Variants in LINC00305 observed in about 807,000 individuals in gnomAD.
The protein encoded by LINC00305 is long intergenic non-protein coding RNA 305.
intron 1 of LINC00305, among the ~76,000 whole-genome samples, chr18:64,105,548 T>A (rs1333659764): frequency 6.6e-6 from 1 of 152,196 alleles, no homozygotes; most frequent in Non-Finnish European, 1.5e-5. Flanking sequence ...CATTATATAT[T>A]ATTTCTGTGG....
In LINC00305 at chr18:64,110,546, T is replaced by A. The variant is rs563731515; in HGVS notation, n.315-11906A>T. On this transcript the variant is annotated intron_variant and non_coding_transcript_variant, in intron 1 of 3. Coordinates refer to ENST00000666468, the Ensembl canonical transcript of LINC00305. ...GACTTTGGGGGTATAAATGGGACAT[T>A]TTTTGAAGAAGAAATGCTTGAGATT... 1.5e-3 allele frequency among the ~76,000 whole-genome samples: 229 copies of A among 152,264 alleles called. 1 individual carries two copies. Among genetic ancestry groups the A allele is most frequent in the African/African-American group, 5.2e-3 (217 of 41,562 alleles).
exon 3 of LINC00305, chr18:64,097,860 A>T (rs2051251199): frequency 2.2e-6 from 1 of 457,978 alleles, no homozygotes; most frequent in African/African-American, 2.0e-5. Context: ...GAGCATGTAG[A>T]ATCTCACTCT....
intron 1 of LINC00305, among the ~76,000 whole-genome samples, chr18:64,131,897 A>G (rs1388426493): frequency 6.6e-6 from 1 of 152,224 alleles, no homozygotes; most frequent in East Asian, 1.9e-4. Context: ...ACATTCTTGC[A>G]CTATTTGAAA....
At chr18:64,085,804 A>G (rs2051201204) in intron 3 of LINC00305, among the ~76,000 whole-genome samples, 1 of 152,240 alleles carries the variant, frequency 6.6e-6, no homozygotes, top group South Asian at 2.1e-4. Context: ...CAGGCTCATA[A>G]AAGAAGACAT....
At chr18:64,092,546 AAT>A (rs2051228912) in intron 3 of LINC00305, among the ~76,000 whole-genome samples, 1 of 152,216 alleles carries the variant, frequency 6.6e-6, no homozygotes, top group African/African-American at 2.4e-5. Flanking sequence ...TGAGTGACAG[AAT>A]GAGACTCTGT....
At chr18:64,146,520 AC>A (rs2144286254) in intron 1 of LINC00305, among the ~76,000 whole-genome samples, 1 of 152,278 alleles carries the variant, frequency 6.6e-6, no homozygotes, top group African/African-American at 2.4e-5. Context: ...GATTTGATCG[AC>A]CTGGTGCCCC....
intron 3 of LINC00305, among the ~76,000 whole-genome samples, chr18:64,092,541 G>A (rs1293558582): frequency 6.6e-6 from 1 of 152,208 alleles, no homozygotes; most frequent in African/African-American, 2.4e-5. Flanking sequence ...TAGTCTGAGT[G>A]ACAGAATGAG....
At chr18:64,117,086 G>C (rs113754946) in intron 1 of LINC00305, among the ~76,000 whole-genome samples, 1 of 152,054 alleles carries the variant, frequency 6.6e-6, no homozygotes, top group African/African-American at 2.4e-5. Flanking sequence ...TAATAAATCC[G>C]GTGGCTGAAG....
At chr18:64,122,667 G>A (rs746861135) in intron 1 of LINC00305, among the ~76,000 whole-genome samples, 1 of 151,902 alleles carries the variant, frequency 6.6e-6, no homozygotes, top group Non-Finnish European at 1.5e-5. Context: ...TGGCAATTTG[G>A]GCTCTTTTCG....
At chr18:64,098,591 A>C (rs1159152424) in exon 2 of LINC00305, 1 of 446,472 alleles carries the variant, frequency 2.2e-6, no homozygotes, top group Non-Finnish European at 4.5e-6. Context: ...TATAATGCAC[A>C]GTCTATGAAG....
intron 1 of LINC00305, among the ~76,000 whole-genome samples, chr18:64,111,260 T>C (rs1408448166): frequency 6.6e-6 from 1 of 152,230 alleles, no homozygotes; most frequent in Non-Finnish European, 1.5e-5. Context: ...CTCTTTCTCC[T>C]TCAAGACCAG....
At chr18:64,135,414 T>A (rs1338387907) in intron 1 of LINC00305, among the ~76,000 whole-genome samples, 1 of 152,108 alleles carries the variant, frequency 6.6e-6, no homozygotes, top group Non-Finnish European at 1.5e-5. Flanking sequence ...TATGTGCCAG[T>A]CAGTAACCCT....
chr18:64,118,821 GGTCTGT>G (rs2051348930), intron 1 of LINC00305, among the ~76,000 whole-genome samples: 1 of 121,438 alleles, frequency 8.2e-6, no homozygotes, highest in Non-Finnish European at 1.7e-5. Flanking sequence ...AGACCCTGGG[GGTCTGT>G]GTGTGTGTGT....
chr18:64,081,891 G>A (rs555429647), intron 3 of LINC00305, among the ~76,000 whole-genome samples: 78 of 152,256 alleles, frequency 5.1e-4, no homozygotes, highest in Non-Finnish European at 4.4e-4. Context: ...GGCAAGTTGG[G>A]GAAAAAACCC....
chr18:64,104,072 G>A (rs2144242690), intron 1 of LINC00305: 1 of 152,332 alleles, frequency 6.6e-6, no homozygotes, highest in South Asian at 2.1e-4. Flanking sequence ...ATAGTGTTGA[G>A]TCTTTTGCAA....
chr18:64,122,704 T>C (rs895860250), intron 1 of LINC00305, among the ~76,000 whole-genome samples: 3 of 152,124 alleles, frequency 2.0e-5, no homozygotes, highest in African/African-American at 7.2e-5. Context: ...TATGATTGTT[T>C]TTCTAATTCT....
chr18:64,133,155 G>A (rs969380211), intron 1 of LINC00305, among the ~76,000 whole-genome samples: 5 of 152,132 alleles, frequency 3.3e-5, no homozygotes, highest in African/African-American at 4.8e-5. Context: ...GTTGGCACTG[G>A]TTGCATAGGA....
chr18:64,094,876 T>A (rs1283914944), intron 3 of LINC00305, among the ~76,000 whole-genome samples: 1 of 150,250 alleles, frequency 6.7e-6, no homozygotes, highest in Admixed American at 6.6e-5. Flanking sequence ...AATAAATAAA[T>A]AAATAAATAA....
At chr18:64,135,736 C>A (rs1294935242) in intron 1 of LINC00305, among the ~76,000 whole-genome samples, 2 of 152,106 alleles carry the variant, frequency 1.3e-5, no homozygotes, top group African/African-American at 4.8e-5. Context: ...CAGGCTGCCA[C>A]CACCATGCCT....
Sources: gnomAD v4.1 joint callset for allele counts (sites outside exome capture counted in the v4.1 genomes callset) on GRCh38, gnomAD v4.1.1 for gene constraint, MANE v1.5 for transcripts, NCBI Gene and HGNC (gene_info 2026-07-23, HGNC 2026-07-21) for gene names.